The following LRMDA variants were observed in gnomAD, a reference collection of about 807,000 sequenced individuals.
The protein encoded by LRMDA is leucine rich melanocyte differentiation associated, also known as leucine-rich melanocyte differentiation-associated protein.
Under a neutral mutation model 29.8 loss-of-function variants are expected in LRMDA, and 18 were observed. The ratio of observed to expected loss-of-function variants is 0.60; its 90% confidence interval spans 0.42 to 0.90. LRMDA has a LOEUF of 0.90. Among genes scored for constraint, LRMDA ranks in the 40% least tolerant of loss-of-function variants. The pLI is 0.00. For missense variants in LRMDA, 273 were observed against 273.9 expected (o/e 1.00, Z 0.02); for synonymous variants, 125 against 109.4 (o/e 1.14, Z -0.89).
At chr10:75,616,099 G>A (rs545474597) in intron 2 of LRMDA, among the ~76,000 whole-genome samples, 1 of 152,296 alleles carries the variant, frequency 6.6e-6, no homozygotes, top group African/African-American at 2.4e-5. Flanking sequence ...AGGGCTCACA[G>A]TCATGGCGGA....
intron 6 of LRMDA, among the ~76,000 whole-genome samples, chr10:76,363,177 G>GAAAGAAAGAAAGAAAGAAA (rs1314060766): frequency 9.0e-4 from 10 of 11,080 alleles, no homozygotes; most frequent in Admixed American, 3.2e-3. Context: ...AAGAAAGAAA[G>GAAAGAAAGAAAGAAAGAAA]GAGGGAGGGA....
chr10:75,594,862 C>T (rs934883853), intron 2 of LRMDA, among the ~76,000 whole-genome samples: 4 of 152,146 alleles, frequency 2.6e-5, no homozygotes, highest in Non-Finnish European at 5.9e-5. Flanking sequence ...TGAATGTTGG[C>T]TTGAAGATGA....
chr10:75,785,641 T>G (rs577829644), intron 2 of LRMDA, among the ~76,000 whole-genome samples: 1 of 152,286 alleles, frequency 6.6e-6, no homozygotes, highest in African/African-American at 2.4e-5. Context: ...CTTAATGGAG[T>G]CCACATTGGG....
intron 2 of LRMDA, among the ~76,000 whole-genome samples, chr10:75,528,374 G>A (rs933201341): frequency 1.3e-5 from 2 of 152,194 alleles, no homozygotes; most frequent in Non-Finnish European, 2.9e-5. Context: ...AAATTGTTGA[G>A]GATGGGGTTC....
intron 6 of LRMDA, among the ~76,000 whole-genome samples, chr10:76,547,595 G>C (rs555642341): frequency 6.6e-6 from 1 of 152,260 alleles, no homozygotes; most frequent in Admixed American, 6.5e-5. Context: ...AAGGTGGAAA[G>C]GATGAATGTA....
chr10:76,504,532 T>C (rs1842941245), intron 6 of LRMDA, among the ~76,000 whole-genome samples: 1 of 152,124 alleles, frequency 6.6e-6, no homozygotes, highest in Non-Finnish European at 1.5e-5. Flanking sequence ...AGTTAAATCT[T>C]CTTGTTAAAT....
intron 2 of LRMDA, among the ~76,000 whole-genome samples, chr10:75,564,752 A>T (rs3012058): frequency 0.6 from 91,498 of 152,078 alleles, 31,047 homozygotes; most frequent in East Asian, 0.85. Flanking sequence ...CTTGTTAATA[A>T]AATGAGTTAA....
At chr10:75,550,783 A>G (rs1840132052) in intron 2 of LRMDA, among the ~76,000 whole-genome samples, 1 of 151,752 alleles carries the variant, frequency 6.6e-6, no homozygotes, top group Non-Finnish European at 1.5e-5. Flanking sequence ...TTATGATTTC[A>G]TTTCATCTCC....
chr10:75,949,948 AGGAATACTCTTTCTGAAG>A (rs1168238871), intron 2 of LRMDA, among the ~76,000 whole-genome samples: 4 of 152,214 alleles, frequency 2.6e-5, no homozygotes, highest in African/African-American at 9.6e-5. Context: ...TCTTGGTGAC[AGGAATACTCTTTCTGAAG>A]CCCAGAGAAC....
At chr10:75,979,337 G>A (rs2132447360) in intron 2 of LRMDA, among the ~76,000 whole-genome samples, 1 of 152,308 alleles carries the variant, frequency 6.6e-6, no homozygotes, top group East Asian at 1.9e-4. Context: ...TTAATCAGGA[G>A]AGTCTTAGAC....
chr10:75,711,335 CA>C (rs1216874379), intron 2 of LRMDA, among the ~76,000 whole-genome samples: 1 of 151,892 alleles, frequency 6.6e-6, no homozygotes, highest in Admixed American at 6.6e-5. Context: ...TTCTTAGTTG[CA>C]AAAAAGCAGG....
chr10:76,223,018 A>G (rs2132260571), intron 5 of LRMDA, among the ~76,000 whole-genome samples: 1 of 152,224 alleles, frequency 6.6e-6, no homozygotes, highest in South Asian at 2.1e-4. Flanking sequence ...TTGCAAGAAC[A>G]AAAAACCAAA....
chr10:76,212,869 G>A (rs1362838824), intron 5 of LRMDA, among the ~76,000 whole-genome samples: 2 of 152,162 alleles, frequency 1.3e-5, no homozygotes, highest in African/African-American at 4.8e-5. Context: ...CAAGCAATGT[G>A]GGGGTGGGGG....
At chr10:76,516,227 C>G (rs1002992289) in intron 6 of LRMDA, among the ~76,000 whole-genome samples, 1 of 151,832 alleles carries the variant, frequency 6.6e-6, no homozygotes, top group Non-Finnish European at 1.5e-5. Flanking sequence ...GATTTGAATG[C>G]CAAAATGGTA....
At chr10:76,063,396 G>T (rs1564643074) in intron 5 of LRMDA, among the ~76,000 whole-genome samples, 1 of 152,154 alleles carries the variant, frequency 6.6e-6, no homozygotes, top group Non-Finnish European at 1.5e-5. Context: ...TGCATGTTCT[G>T]GGAGGTATGT....
intron 6 of LRMDA, among the ~76,000 whole-genome samples, chr10:76,538,103 C>G (rs186689001): frequency 6.6e-6 from 1 of 152,030 alleles, no homozygotes; most frequent in Non-Finnish European, 1.5e-5. Flanking sequence ...ATTTAATATA[C>G]AATTAGGTTC....
chr10:75,780,905 C>A (rs1843374643), intron 2 of LRMDA, among the ~76,000 whole-genome samples: 1 of 152,182 alleles, frequency 6.6e-6, no homozygotes, highest in Non-Finnish European at 1.5e-5. Flanking sequence ...TGTATGATAG[C>A]AATTTCAAGC....
At chr10:76,037,587 C>T (rs1311401972) in intron 3 of LRMDA, among the ~76,000 whole-genome samples, 1 of 152,208 alleles carries the variant, frequency 6.6e-6, no homozygotes, top group Non-Finnish European at 1.5e-5. Flanking sequence ...ACATTTATTT[C>T]TCACAGTCTG....
At position 76,033,064 on chromosome 10, in the gene LRMDA, T is replaced by TA. The variant is rs201942097; in HGVS notation, c.132-2934dup. On this transcript the variant is annotated intron_variant, in intron 2 of 6. Coordinates refer to ENST00000611255, the MANE Select transcript of LRMDA (RefSeq NM_001305581.2). ...TAGAAAACAGCAGTAAAAATAACAG[T>TA]AAAAAAAAAATAAATAAAGGGTAAA... 2.8e-3 allele frequency among the ~76,000 whole-genome samples: 423 copies of TA among 149,122 alleles called. 5 individuals are homozygous for TA. In the South Asian group the frequency reaches 0.031, roughly 11 times the overall value.
Sources: gnomAD v4.1 joint callset for allele counts (sites outside exome capture counted in the v4.1 genomes callset) on GRCh38, gnomAD v4.1.1 for gene constraint, MANE v1.5 for transcripts, NCBI Gene and HGNC (gene_info 2026-07-23, HGNC 2026-07-21) for gene names.